Variants in YWHAH observed in about 807,000 individuals in gnomAD.
YWHAH encodes the protein 14-3-3 protein eta.
A neutral mutation model predicts 22.9 loss-of-function variants in YWHAH; 6 were observed. The ratio of observed to expected loss-of-function variants is 0.26; its 90% CI spans 0.14 to 0.52. The LOEUF (loss-of-function observed/expected upper bound fraction) is 0.52. YWHAH is among the 20% of genes least tolerant of loss of function. The pLI, the probability that YWHAH is intolerant of heterozygous loss-of-function variation, is 0.97. For synonymous variants in YWHAH, 135 were observed against 124.5 expected (o/e 1.08, Z -0.56); for missense variants, 173 against 308.6 (o/e 0.56, Z 3.29).
In YWHAH at chr22:31,956,135, G is replaced by T. The variant is rs767408838; in HGVS notation, c.88-4G>T. ...TCAATGTTTATCTTTTTGGGGTTTTGCAGGTGACAGAGCTGAATGAACCTC... is the reference window on the plus strand; with the variant it reads ...TCAATGTTTATCTTTTTGGGGTTTTTCAGGTGACAGAGCTGAATGAACCTC... On this transcript the variant is annotated splice_region_variant and splice_polypyrimidine_tract_variant and intron_variant, in intron 1 of 1. Transcript: ENST00000248975. The surrounding 1 kb of genome is among the most constrained non-coding windows in gnomAD (Gnocchi z 5.1). 1.9e-6 allele frequency: 3 copies of T among 1,574,712 alleles called. No individual in the cohort carries two copies. The highest frequency in any genetic ancestry group is 2.6e-6 in the Non-Finnish European group (3 of 1,162,794).
chr22:31,950,998 G>A (rs1296720521), intron 1 of YWHAH, among the ~76,000 whole-genome samples: 1 of 152,160 alleles, frequency 6.6e-6, no homozygotes, highest in Admixed American at 6.5e-5. Flanking sequence ...CTGGGTTCGA[G>A]CGATTGTCAT....
intron 1 of YWHAH, among the ~76,000 whole-genome samples, chr22:31,948,164 C>A (rs2093837692): frequency 6.6e-6 from 1 of 152,168 alleles, no homozygotes; most frequent in South Asian, 2.1e-4. Flanking sequence ...CAGCGGCTCC[C>A]TAGAAATCTT....
At position 31,956,129 on chromosome 22, in the gene YWHAH, G is replaced by A; in HGVS notation, c.88-10G>A. On this transcript the variant is annotated splice_polypyrimidine_tract_variant and intron_variant, in intron 1 of 1. Coordinates refer to ENST00000248975, the MANE Select transcript of YWHAH (RefSeq NM_003405.4). The surrounding 1 kb of genome is among the most constrained non-coding windows in gnomAD (Gnocchi z 5.1). ...TTGCTTTCAATGTTTATCTTTTTGG[G>A]GTTTTGCAGGTGACAGAGCTGAATG... 3 of 1,569,822 alleles carry A rather than the reference G, an allele frequency of 1.9e-6. No individual in the cohort carries two copies. Among genetic ancestry groups the A allele is most frequent in the Non-Finnish European group, 2.6e-6 (3 of 1,160,838 alleles).
At chr22:31,945,403 G>T in intron 1 of YWHAH, 1 of 1,300,382 alleles carries the variant, frequency 7.7e-7, no homozygotes, top group Non-Finnish European at 1.0e-6. Context: ...GTGGACGGGG[G>T]CGGGAGAGTG....
At chr22:31,951,179 C>T (rs1251076608) in intron 1 of YWHAH, among the ~76,000 whole-genome samples, 2 of 152,124 alleles carry the variant, frequency 1.3e-5, no homozygotes, top group Non-Finnish European at 2.9e-5. Context: ...CAGGTGTGAG[C>T]CATCACACCT....
rs2093830545 is a variant in YWHAH, at chr22:31,944,685, T to C, written c.-49T>C. 1 of 1,288,116 alleles carries C rather than the reference T, an allele frequency of 7.8e-7. No individual in the cohort carries two copies. The highest frequency in any genetic ancestry group is 9.9e-7 in the Non-Finnish European group (1 of 1,007,150). The allele number at this position is 1,288,116 out of a possible 1,614,324, so 79.8% of individuals were successfully genotyped here. A position where few individuals can be genotyped will look rare whatever the true frequency, so the allele number is the denominator to read the frequency against. On this transcript the variant is annotated 5_prime_UTR_variant, in exon 1 of 2. Coordinates refer to ENST00000248975, the MANE Select transcript of YWHAH (RefSeq NM_003405.4). ...GGAGCGGACTGACCGGCGGGAGGGC[T>C]AGCGAGCCAGCGGTGTGAGGCGCGA... is the stretch of plus-strand genomic sequence containing the variant.
chr22:31,957,077 G>T lies in YWHAH; in HGVS notation c.*285G>T. On this transcript the variant is annotated 3_prime_UTR_variant, in exon 2 of 2. Coordinates refer to ENST00000248975, the MANE Select transcript of YWHAH (RefSeq NM_003405.4). ...CTGTTGATCTATGGGAAATCTAGGCGAAAGTAATGGGGAAGATTAGAAAGA... is the reference window on the plus strand; with the variant it reads ...CTGTTGATCTATGGGAAATCTAGGCTAAAGTAATGGGGAAGATTAGAAAGA... 3.2e-6 allele frequency: 1 copy of T among 310,092 alleles called. No homozygotes were observed. The allele number at this position is 310,092 out of a possible 1,614,324, so 19.2% of individuals were successfully genotyped here. A position where few individuals can be genotyped will look rare whatever the true frequency, so the allele number is the denominator to read the frequency against.
At chr22:31,953,209 A>G (rs2093845484) in intron 1 of YWHAH, among the ~76,000 whole-genome samples, 1 of 152,238 alleles carries the variant, frequency 6.6e-6, no homozygotes, top group South Asian at 2.1e-4. Flanking sequence ...TTAATGCCAA[A>G]TGGCCTTAGT....
In YWHAH at chr22:31,957,323, C is replaced by T. The variant is rs185384904; in HGVS notation, c.*531C>T. The T allele has an allele frequency of 6.5e-6, 1 of 152,906 alleles. No homozygotes were observed. The highest frequency in any genetic ancestry group is 1.5e-5 in the Non-Finnish European group (1 of 68,266). The allele number at this position is 152,906 out of a possible 1,614,324, so 9.5% of individuals were successfully genotyped here. A position where few individuals can be genotyped will look rare whatever the true frequency, so the allele number is the denominator to read the frequency against. On this transcript the variant is annotated 3_prime_UTR_variant, in exon 2 of 2. Coordinates refer to ENST00000248975, the MANE Select transcript of YWHAH (RefSeq NM_003405.4). ...TGTTTAACGTGAGGTTTCAGTAGCT[C>T]CTTGGTTTTGCCTCTTTAAATTATG... is the stretch of plus-strand genomic sequence containing the variant.
chr22:31,948,919 C>G (rs1259294541), intron 1 of YWHAH, among the ~76,000 whole-genome samples: 1 of 152,104 alleles, frequency 6.6e-6, no homozygotes, highest in Non-Finnish European at 1.5e-5. Context: ...TGAATTATCC[C>G]CAGAAGAACT....
intron 1 of YWHAH, among the ~76,000 whole-genome samples, chr22:31,951,704 C>T (rs1320527623): frequency 6.6e-6 from 1 of 152,068 alleles, no homozygotes; most frequent in Non-Finnish European, 1.5e-5. Flanking sequence ...TCATTTTTGA[C>T]ATTTAGTAAT....
At chr22:31,948,103 T>TC (rs1555951160) in intron 1 of YWHAH, among the ~76,000 whole-genome samples, 52 of 152,308 alleles carry the variant, frequency 3.4e-4, no homozygotes, top group African/African-American at 1.2e-3. Flanking sequence ...CAGGTTGGCC[T>TC]CGAACGTGTA....
intron 1 of YWHAH, among the ~76,000 whole-genome samples, chr22:31,947,900 T>C (rs2093837191): frequency 6.6e-6 from 1 of 152,240 alleles, no homozygotes; most frequent in Non-Finnish European, 1.5e-5. Context: ...ATTATGGCCC[T>C]AAGTCATCTA....
chr22:31,946,478 C>T lies in YWHAH; in HGVS notation c.87+1658C>T, dbSNP rs1219638278. Among the ~76,000 whole-genome samples, 8 of 152,094 alleles carry T rather than the reference C, an allele frequency of 5.3e-5. No homozygotes were observed. The East Asian group carries it at 7.7e-4, about 15-fold the overall frequency. ...GGTGCTGGGATTATGCAGGCTGAGG[C>T]CTCTCCACACATTTTCATGAAGTGG... is the stretch of plus-strand genomic sequence containing the variant. On this transcript the variant is annotated intron_variant, in intron 1 of 1. Transcript: ENST00000248975.
At chr22:31,953,687 G>A (rs1340938712) in intron 1 of YWHAH, among the ~76,000 whole-genome samples, 2 of 152,188 alleles carry the variant, frequency 1.3e-5, no homozygotes, top group Non-Finnish European at 2.9e-5. Context: ...ATCACAGTGA[G>A]AGGTATGGAG....
intron 1 of YWHAH, among the ~76,000 whole-genome samples, chr22:31,949,960 T>TC (rs386395230): frequency 9.2e-5 from 14 of 152,116 alleles, no homozygotes; most frequent in Non-Finnish European, 1.9e-4. Context: ...CAAGTCATTT[T>TC]TTTTTTCCAA....
chr22:31,954,102 G>T (rs2093846665), intron 1 of YWHAH, among the ~76,000 whole-genome samples: 1 of 152,176 alleles, frequency 6.6e-6, no homozygotes, highest in Non-Finnish European at 1.5e-5. Context: ...CCACTGCTCA[G>T]TCTTCTCAAT....
intron 1 of YWHAH, chr22:31,945,091 A>T (rs2093831800): frequency 9.1e-7 from 1 of 1,094,836 alleles, no homozygotes; most frequent in Non-Finnish European, 1.1e-6. Context: ...CGGGGTCGCC[A>T]CATCTTAGTT....
intron 1 of YWHAH, among the ~76,000 whole-genome samples, chr22:31,946,270 A>G (rs1024743488): frequency 2.0e-5 from 3 of 152,168 alleles, no homozygotes; most frequent in Non-Finnish European, 4.4e-5. Flanking sequence ...TGGAGGCTGA[A>G]CTTTATGTAA....
Sources: gnomAD v4.1 joint callset for allele counts (sites outside exome capture counted in the v4.1 genomes callset) on GRCh38, gnomAD v4.1.1 for gene constraint, Gnocchi (gnomAD v3.1) non-coding constraint, MANE v1.5 for transcripts, NCBI Gene and HGNC (gene_info 2026-07-23, HGNC 2026-07-21) for gene names.